Variants in PIAS2 observed in about 807,000 individuals in gnomAD.
PIAS2 encodes E3 SUMO-protein ligase PIAS2.
A neutral mutation model predicts 69.7 loss-of-function variants in PIAS2; 19 were observed. The ratio of observed to expected loss-of-function variants is 0.27; its 90% CI spans 0.19 to 0.40. The LOEUF is 0.40. Among genes scored for constraint, PIAS2 ranks in the 10% least tolerant of loss-of-function variants. PIAS2 has a pLI of 1.00. For synonymous variants in PIAS2, 261 were observed against 263.2 expected (o/e 0.99, Z 0.08); for missense variants, 624 against 757.0 (o/e 0.82, Z 2.06).
intron 1 of PIAS2, among the ~76,000 whole-genome samples, chr18:46,909,476 G>C (rs1409463682): frequency 6.6e-6 from 1 of 152,090 alleles, no homozygotes; most frequent in East Asian, 1.9e-4. Context: ...TCAAACTCCT[G>C]GTCTCAAGCC....
At chr18:46,902,292 C>A (rs186700833) in intron 1 of PIAS2, among the ~76,000 whole-genome samples, 58 of 151,522 alleles carry the variant, frequency 3.8e-4, no homozygotes, top group South Asian at 1.3e-3. Context: ...CACGATGGCT[C>A]ACGCCTGTAA....
At chr18:46,822,238 A>G (rs1261974923) in intron 11 of PIAS2, among the ~76,000 whole-genome samples, 2 of 152,228 alleles carry the variant, frequency 1.3e-5, no homozygotes, top group Admixed American at 6.5e-5. Context: ...TGTGGAAAAC[A>G]GTCATCTTGA....
Position 46,808,027 on chromosome 18 carries a change from G to A in PIAS2, c.*4406C>T, listed in dbSNP as rs1026877010. 4 of 152,178 alleles carry A rather than the reference G, an allele frequency of 2.6e-5. No homozygotes were observed. Among genetic ancestry groups the A allele is most frequent in the African/African-American group, 9.7e-5 (4 of 41,436 alleles). 9.4% of individuals were successfully genotyped at this position (152,178 alleles called of 1,614,324 possible). On this transcript the variant is annotated 3_prime_UTR_variant, in exon 14 of 14. Transcript: ENST00000585916. Reference sequence around the variant, plus strand: ...ACAAAGACATTCATTGTGGCATTATGAGATATAATCTAAACTGTTCAAAAT... The same window carrying A: ...ACAAAGACATTCATTGTGGCATTATAAGATATAATCTAAACTGTTCAAAAT...
In PIAS2 at chr18:46,847,214, C is replaced by T. The variant is rs372868754; in HGVS notation, c.727-373G>A. Reference sequence around the variant, plus strand: ...GCAGTCCCCATTCAAAATACATGCACATATTGGAGGTGGGAAAGAAAAAAA... The same window carrying T: ...GCAGTCCCCATTCAAAATACATGCATATATTGGAGGTGGGAAAGAAAAAAA... On this transcript the variant is annotated intron_variant, in intron 5 of 13. Coordinates refer to ENST00000585916, the MANE Select transcript of PIAS2 (RefSeq NM_004671.5). 8.5e-5 allele frequency among the ~76,000 whole-genome samples: 13 copies of T among 152,060 alleles called. No homozygotes were observed. In the East Asian group the frequency reaches 1.7e-3, roughly 20 times the overall value.
intron 1 of PIAS2, among the ~76,000 whole-genome samples, chr18:46,906,667 T>C (rs1286490715): frequency 6.6e-6 from 1 of 151,322 alleles, no homozygotes; most frequent in Non-Finnish European, 1.5e-5. Context: ...GAGATTACAA[T>C]GATTGTGGTT....
intron 2 of PIAS2, among the ~76,000 whole-genome samples, chr18:46,887,567 C>T (rs983223968): frequency 7.2e-5 from 11 of 152,148 alleles, no homozygotes; most frequent in African/African-American, 2.4e-5. Flanking sequence ...AATTATAACA[C>T]AGCAATGCAA....
intron 2 of PIAS2, among the ~76,000 whole-genome samples, chr18:46,878,750 C>T (rs923760626): frequency 2.0e-5 from 3 of 152,190 alleles, no homozygotes; most frequent in Admixed American, 6.5e-5. Context: ...TGCCTGTAAG[C>T]CCAGCTACTC....
At chr18:46,826,119 A>T (rs1282863058) in intron 11 of PIAS2, among the ~76,000 whole-genome samples, 3 of 152,218 alleles carry the variant, frequency 2.0e-5, no homozygotes, top group Non-Finnish European at 4.4e-5. Context: ...TTTTAAAATA[A>T]ACTTTCATGT....
In PIAS2 at chr18:46,812,421, G is replaced by T; in HGVS notation, c.*12C>A. The T allele has an allele frequency of 6.4e-7, 1 of 1,566,224 alleles. No individual in the cohort carries two copies. The highest frequency in any genetic ancestry group is 8.8e-7 in the Non-Finnish European group (1 of 1,142,012). ...TCTGATGAATGATTCCCAGAATCAA[G>T]TGAGTCCTCCTTTAGTCCAATGAGA... On this transcript the variant is annotated 3_prime_UTR_variant, in exon 14 of 14. Transcript: ENST00000585916.
chr18:46,817,870 TC>T, intron 12 of PIAS2: 1 of 973,532 alleles, frequency 1.0e-6, no homozygotes, highest in Non-Finnish European at 1.2e-6. Context: ...ATATTAAAAC[TC>T]TTATATAAAA....
At chr18:46,824,851 A>C (rs1486782235) in intron 11 of PIAS2, among the ~76,000 whole-genome samples, 1 of 151,394 alleles carries the variant, frequency 6.6e-6, no homozygotes, top group African/African-American at 2.4e-5. Flanking sequence ...AAAAAAAAAA[A>C]AACACAAAAA....
chr18:46,854,480 G>T (rs1387894182), intron 5 of PIAS2, among the ~76,000 whole-genome samples: 3 of 152,046 alleles, frequency 2.0e-5, no homozygotes, highest in Non-Finnish European at 4.4e-5. Context: ...CTATTTTTTT[G>T]ATTATGGCTT....
intron 1 of PIAS2, among the ~76,000 whole-genome samples, chr18:46,911,828 A>G (rs1482548050): frequency 6.6e-6 from 1 of 152,218 alleles, no homozygotes; most frequent in South Asian, 2.1e-4. Flanking sequence ...GGGGGAGTGG[A>G]TCACCGGAGG....
At chr18:46,858,708 A>G (rs1196519043) in intron 3 of PIAS2, among the ~76,000 whole-genome samples, 1 of 152,182 alleles carries the variant, frequency 6.6e-6, no homozygotes, top group Non-Finnish European at 1.5e-5. Context: ...AAAAAATAAT[A>G]GTAATTTCAA....
intron 1 of PIAS2, chr18:46,904,334 T>G (rs1425339106): frequency 6.6e-6 from 1 of 152,224 alleles, no homozygotes; most frequent in Non-Finnish European, 1.5e-5. Flanking sequence ...CAGACTAGAT[T>G]TTTAATTTTC....
At chr18:46,853,334 C>T (rs138349069) in intron 5 of PIAS2, 12 of 149,530 alleles carry the variant, frequency 8.0e-5, no homozygotes, top group African/African-American at 2.7e-4. Flanking sequence ...ACATCTAGGG[C>T]AAAGAAAAAT....
chr18:46,829,746 T>C lies in PIAS2; in HGVS notation c.1324A>G (p.Thr442Ala), dbSNP rs922143761. ...EAMKVSSQPC[T>A]KIESSSVLSK... Reference sequence around the variant, plus strand: ...ATTCTACACATACTTTCTATTTTTGTACACGGTTGGCTGGATACTTTCATA... The same window carrying C: ...ATTCTACACATACTTTCTATTTTTGCACACGGTTGGCTGGATACTTTCATA... The change falls in exon 10 of 14, where the codon ACA becomes GCA. Residue 442 changes from threonine to alanine, a missense_variant. Thr to Ala is a moderately conservative substitution (Grantham distance 58). Transcript: ENST00000585916. The C allele has an allele frequency of 6.8e-6, 11 of 1,612,800 alleles. No individual in the cohort carries two copies. The highest frequency in any genetic ancestry group is 9.3e-6 in the Non-Finnish European group (11 of 1,179,518).
In PIAS2 at chr18:46,808,287, G is replaced by A. The variant is rs1599211665; in HGVS notation, c.*4146C>T. 6.6e-6 allele frequency: 1 copy of A among 152,270 alleles called. No individual in the cohort carries two copies. The highest frequency in any genetic ancestry group is 1.5e-5 in the Non-Finnish European group (1 of 68,014). 9.4% of individuals were successfully genotyped at this position (152,270 alleles called of 1,614,324 possible). On this transcript the variant is annotated 3_prime_UTR_variant, in exon 14 of 14. Coordinates refer to ENST00000585916, the MANE Select transcript of PIAS2 (RefSeq NM_004671.5). Reference sequence around the variant, plus strand: ...GATTTTTTCTGGTGACAGAATCATAGGCAATTAATTGTTATACTTTTCTGT... The same window carrying A: ...GATTTTTTCTGGTGACAGAATCATAAGCAATTAATTGTTATACTTTTCTGT...
intron 2 of PIAS2, among the ~76,000 whole-genome samples, chr18:46,873,277 C>T (rs1001849286): frequency 3.9e-5 from 6 of 152,190 alleles, no homozygotes. Flanking sequence ...ACTGATAATT[C>T]ACTTAACCCA....
Sources: gnomAD v4.1 joint callset for allele counts (sites outside exome capture counted in the v4.1 genomes callset) on GRCh38, gnomAD v4.1.1 for gene constraint, MANE v1.5 for transcripts, NCBI Gene and HGNC (gene_info 2026-07-23, HGNC 2026-07-21) for gene names.